Variants in SHISA9 observed in about 807,000 individuals in gnomAD.
The protein encoded by SHISA9 is shisa family member 9, also known as protein shisa-9.
SHISA9 carries 13 observed loss-of-function variants against 38.0 expected under a neutral mutation model. The ratio of observed to expected loss-of-function variants is 0.34; its 90% CI spans 0.22 to 0.54. SHISA9 has a LOEUF of 0.54. Ranked by LOEUF, SHISA9 falls within the 20% of genes least tolerant of loss-of-function variation. The pLI is 0.91. For synonymous variants in SHISA9, 275 were observed against 242.0 expected, an observed-to-expected ratio of 1.14 and a Z score of -1.27; for missense variants, 538 against 575.8, an observed-to-expected ratio of 0.93 and a Z score of 0.67.
chr16:13,034,868 C>G (rs964571397), intron 2 of SHISA9, among the ~76,000 whole-genome samples: 7 of 152,182 alleles, frequency 4.6e-5, no homozygotes, highest in African/African-American at 1.7e-4. Context: ...CATCCAAGAT[C>G]GTCCTACATT....
the SHISA9 span, among the ~76,000 whole-genome samples, chr16:13,273,008 C>T: frequency 6.6e-6 from 1 of 152,230 alleles, no homozygotes; most frequent in South Asian, 2.1e-4. Flanking sequence ...CCTGAACTTG[C>T]AAAGCCACAG....
chr16:13,498,202 T>A, the SHISA9 span, among the ~76,000 whole-genome samples: 2 of 151,984 alleles, frequency 1.3e-5, no homozygotes, highest in African/African-American at 4.8e-5. Flanking sequence ...AAATGACAAA[T>A]TGATACCAAA....
chr16:13,476,749 T>G, the SHISA9 span, among the ~76,000 whole-genome samples: 18 of 116,592 alleles, frequency 1.5e-4, no homozygotes, highest in Middle Eastern at 3.7e-3. Flanking sequence ...TTTTTTTTTT[T>G]TTTTTTTTTT....
At chr16:13,256,177 C>T in the SHISA9 span, among the ~76,000 whole-genome samples, 41 of 152,352 alleles carry the variant, frequency 2.7e-4, no homozygotes, top group Middle Eastern at 3.4e-3. Context: ...TCCTTTAAGA[C>T]GCAGATCAGA....
chr16:13,545,932 T>G, the SHISA9 span, among the ~76,000 whole-genome samples: 5 of 152,064 alleles, frequency 3.3e-5, no homozygotes, highest in Admixed American at 1.3e-4. Flanking sequence ...GACTTTTAAT[T>G]TGGATTTGAG....
the SHISA9 span, among the ~76,000 whole-genome samples, chr16:13,459,619 C>T: frequency 6.6e-6 from 1 of 152,062 alleles, no homozygotes; most frequent in African/African-American, 2.4e-5. Context: ...GATTTTTTAT[C>T]AGATGGGTAA....
chr16:13,208,010 T>A (rs1294705638), intron 3 of SHISA9, among the ~76,000 whole-genome samples: 1 of 152,146 alleles, frequency 6.6e-6, no homozygotes, highest in Admixed American at 6.6e-5. Context: ...GAAAATAAAT[T>A]TCTCTGGGAA....
chr16:13,167,645 G>A (rs1299938289), intron 2 of SHISA9, among the ~76,000 whole-genome samples: 1 of 152,156 alleles, frequency 6.6e-6, no homozygotes, highest in South Asian at 2.1e-4. Flanking sequence ...CATGAGATCT[G>A]GTTGTTTAAA....
intron 2 of SHISA9, among the ~76,000 whole-genome samples, chr16:13,030,563 C>CAGTTCCCTAAGA (rs1330749058): frequency 6.6e-6 from 1 of 152,174 alleles, no homozygotes; most frequent in Non-Finnish European, 1.5e-5. Context: ...AAAATGATTT[C>CAGTTCCCTAAGA]AGAGCCTGCT....
intron 2 of SHISA9, among the ~76,000 whole-genome samples, chr16:12,926,025 C>G (rs1010777805): frequency 6.6e-6 from 1 of 152,126 alleles, no homozygotes; most frequent in Admixed American, 6.5e-5. Flanking sequence ...CGTGCCTGGA[C>G]TGCATTTTGC....
At chr16:13,163,813 G>A (rs1344742498) in intron 2 of SHISA9, among the ~76,000 whole-genome samples, 2 of 151,950 alleles carry the variant, frequency 1.3e-5, no homozygotes, top group Non-Finnish European at 2.9e-5. Context: ...ATACAACGGA[G>A]TTTGGTATGT....
At chr16:13,378,809 C>T in the SHISA9 span, among the ~76,000 whole-genome samples, 107 of 152,256 alleles carry the variant, frequency 7.0e-4, no homozygotes, top group African/African-American at 2.6e-3. Flanking sequence ...TGATAAATCA[C>T]AAGGATCATA....
the SHISA9 span, among the ~76,000 whole-genome samples, chr16:13,537,695 T>A: frequency 6.6e-6 from 1 of 152,176 alleles, no homozygotes; most frequent in African/African-American, 2.4e-5. Flanking sequence ...GGTACACGTT[T>A]GTCAAAATTC....
chr16:13,105,458 T>G (rs974117599), intron 2 of SHISA9, among the ~76,000 whole-genome samples: 4 of 152,204 alleles, frequency 2.6e-5, no homozygotes, highest in Non-Finnish European at 5.9e-5. Context: ...CCTGGGCTTC[T>G]GCTTCCTATT....
intron 2 of SHISA9, among the ~76,000 whole-genome samples, chr16:12,970,431 A>ATATATACATATATATACATATATGTG (rs1567357167): frequency 2.1e-4 from 14 of 66,162 alleles, no homozygotes; most frequent in South Asian, 3.9e-4. Context: ...ATATATGTAT[A>ATATATACATATATATACATATATGTG]TATATATACA....
intron 1 of SHISA9, chr16:12,910,365 A>G (rs1398186595): frequency 1.2e-5 from 7 of 569,714 alleles, no homozygotes; most frequent in Non-Finnish European, 1.6e-5. Context: ...CTTATGCCCA[A>G]CACTGTGCTG....
the SHISA9 span, among the ~76,000 whole-genome samples, chr16:13,293,184 C>A: frequency 2.6e-5 from 4 of 152,166 alleles, no homozygotes; most frequent in East Asian, 7.7e-4. Context: ...TTTCAGATAA[C>A]AGTCCTGTGA....
At chr16:13,162,621 C>T (rs2050605045) in intron 2 of SHISA9, among the ~76,000 whole-genome samples, 1 of 152,106 alleles carries the variant, frequency 6.6e-6, no homozygotes, top group Non-Finnish European at 1.5e-5. Context: ...AATAAGTAGC[C>T]CACCCCTTGG....
the SHISA9 span, among the ~76,000 whole-genome samples, chr16:13,395,109 G>A: frequency 6.6e-6 from 1 of 152,172 alleles, no homozygotes; most frequent in Non-Finnish European, 1.5e-5. Context: ...CAGAATGAGT[G>A]TGGACAGAGG....
Sources: gnomAD v4.1 joint callset for allele counts (sites outside exome capture counted in the v4.1 genomes callset) on GRCh38, gnomAD v4.1.1 for gene constraint, MANE v1.5 for transcripts, NCBI Gene and HGNC (gene_info 2026-07-23, HGNC 2026-07-21) for gene names.